The following COL22A1 variants were observed in gnomAD, a reference collection of about 807,000 sequenced individuals.
The protein encoded by COL22A1 is collagen alpha-1(XXII) chain.
In COL22A1, 221 loss-of-function variants were observed where a neutral mutation model predicts 248.9. The ratio of observed to expected loss-of-function variants is 0.89; its 90% CI spans 0.80 to 0.99. COL22A1 has a LOEUF of 0.99. COL22A1 is among the 50% of genes least tolerant of loss of function. COL22A1 has a pLI of 0.00. For synonymous variants in COL22A1, 891 were observed against 793.4 expected (o/e 1.12, Z -2.07); for missense variants, 2,240 against 2,179.0 (o/e 1.03, Z -0.56).
Position 138,725,445 on chromosome 8 carries a change from A to G in COL22A1, c.2140-5T>C. Reference sequence around the variant, plus strand: ...ACCAGGGGGTCCTGGAGGGCCCTGTAGAGAAAGAGCATTTGGTGGGCTACA... The same window carrying G: ...ACCAGGGGGTCCTGGAGGGCCCTGTGGAGAAAGAGCATTTGGTGGGCTACA... On this transcript the variant is annotated splice_polypyrimidine_tract_variant and splice_region_variant and intron_variant, in intron 23 of 64. Coordinates refer to ENST00000303045, the MANE Select transcript of COL22A1 (RefSeq NM_152888.3). 1 of 1,612,830 alleles carries G rather than the reference A, an allele frequency of 6.2e-7. No homozygotes were observed. The highest frequency in any genetic ancestry group is 8.5e-7 in the Non-Finnish European group (1 of 1,179,536).
chr8:138,731,590 C>A (rs922277102), intron 23 of COL22A1, among the ~76,000 whole-genome samples: 10 of 151,646 alleles, frequency 6.6e-5, no homozygotes, highest in African/African-American at 2.2e-4. Context: ...TGCTGTGGGG[C>A]ATGATGGATT....
chr8:138,729,408 C>A (rs1041050827), intron 23 of COL22A1, among the ~76,000 whole-genome samples: 2 of 152,158 alleles, frequency 1.3e-5, no homozygotes, highest in African/African-American at 4.8e-5. Context: ...CCTGGTAAGA[C>A]CACAGCAACT....
At chr8:138,792,922 T>G (rs1300720799) in intron 12 of COL22A1, among the ~76,000 whole-genome samples, 1 of 152,196 alleles carries the variant, frequency 6.6e-6, no homozygotes, top group Admixed American at 6.5e-5. Flanking sequence ...TGTGACCTTG[T>G]GCAGGTCACT....
At chr8:138,615,509 CG>C (rs1383042875) in intron 55 of COL22A1, among the ~76,000 whole-genome samples, 1 of 144,124 alleles carries the variant, frequency 6.9e-6, no homozygotes, top group Admixed American at 7.2e-5. Flanking sequence ...TCAGCCTGGG[CG>C]ACGGAGTGAG....
chr8:138,657,524 G>A (rs1407167813), intron 44 of COL22A1, among the ~76,000 whole-genome samples: 2 of 152,220 alleles, frequency 1.3e-5, no homozygotes, highest in Admixed American at 6.5e-5. Context: ...TAGGTACAGT[G>A]TGGTCTTGGA....
At chr8:138,794,706 C>A (rs1816350297) in intron 12 of COL22A1, among the ~76,000 whole-genome samples, 1 of 152,052 alleles carries the variant, frequency 6.6e-6, no homozygotes, top group Admixed American at 6.6e-5. Flanking sequence ...ATTTTTAATA[C>A]CCAACCGAAT....
chr8:138,739,024 T>C (rs1831349907), intron 22 of COL22A1, among the ~76,000 whole-genome samples: 2 of 152,184 alleles, frequency 1.3e-5, no homozygotes, highest in South Asian at 4.1e-4. Flanking sequence ...CCAGAACCAC[T>C]GCAGTAGCCT....
At chr8:138,849,532 C>T (rs931886921) in intron 3 of COL22A1, among the ~76,000 whole-genome samples, 1 of 152,246 alleles carries the variant, frequency 6.6e-6, no homozygotes, top group Admixed American at 6.5e-5. Context: ...GCACCCAGTT[C>T]TTGGCCACTG....
rs113740864 is a variant in COL22A1 at position 138,684,438 on chromosome 8, G to T, written c.2999C>A (p.Pro1000His). The T allele has an allele frequency of 1.2e-5, 20 of 1,610,886 alleles. No individual in the cohort carries two copies. In the African/African-American group the frequency reaches 2.0e-4, roughly 16 times the overall value. ...GLRGSPGLPG[P>H]LGTKAACGKV... ...ACAAGCACTCACCTTGGTTCCTAGG[G>T]GTCCAGGGAGTCCAGGTGATCCACG... The change falls in exon 39 of 65, where the codon CCC becomes CAC. Residue 1000 changes from proline (P) to histidine (H), a missense_variant. Physicochemically the swap from Pro to His is moderately conservative, Grantham distance 77. Coordinates refer to ENST00000303045, the MANE Select transcript of COL22A1 (RefSeq NM_152888.3).
intron 16 of COL22A1, among the ~76,000 whole-genome samples, chr8:138,769,860 G>A (rs185616725): frequency 6.6e-6 from 1 of 152,306 alleles, no homozygotes; most frequent in East Asian, 1.9e-4. Context: ...AAAAGACAGA[G>A]GTGCCCATGT....
intron 3 of COL22A1, among the ~76,000 whole-genome samples, chr8:138,872,816 T>C (rs1823440816): frequency 6.6e-6 from 1 of 152,172 alleles, no homozygotes; most frequent in Admixed American, 6.5e-5. Flanking sequence ...GGAAAGCCAC[T>C]GGGGAGGGAG....
At chr8:138,911,857 G>T (rs1462486151) in intron 1 of COL22A1, among the ~76,000 whole-genome samples, 6 of 152,160 alleles carry the variant, frequency 3.9e-5, no homozygotes, top group Admixed American at 1.3e-4. Flanking sequence ...TGGATCCCTG[G>T]GAGCCACTCT....
chr8:138,628,109 A>C (rs1205378791), intron 50 of COL22A1, among the ~76,000 whole-genome samples: 2 of 152,148 alleles, frequency 1.3e-5, no homozygotes, highest in Non-Finnish European at 2.9e-5. Context: ...AAAACTGATC[A>C]GTGGATGTTC....
chr8:138,602,974 C>T (rs1818155087), intron 59 of COL22A1, among the ~76,000 whole-genome samples: 1 of 152,226 alleles, frequency 6.6e-6, no homozygotes, highest in Admixed American at 6.5e-5. Context: ...TTAGACAGCA[C>T]ACATTTGGAA....
rs73362860 is a variant in COL22A1, at chr8:138,785,025, T to C, written c.1597-4045A>G. ...ATCCTCACCCTACCTTCGGGCACAC[T>C]GGGGCACAGGGCAGGTGCATGACTT... On this transcript the variant is annotated intron_variant, in intron 12 of 64. Coordinates refer to ENST00000303045, the MANE Select transcript of COL22A1 (RefSeq NM_152888.3). Among the ~76,000 whole-genome samples, 941 of 152,264 alleles carry C rather than the reference T, an allele frequency of 6.2e-3. 7 individuals are homozygous for C. Among genetic ancestry groups the C allele is most frequent in the African/African-American group, 0.022 (921 of 41,554 alleles).
intron 6 of COL22A1, among the ~76,000 whole-genome samples, chr8:138,824,606 T>C (rs1443470232): frequency 2.0e-5 from 3 of 152,204 alleles, no homozygotes; most frequent in African/African-American, 7.2e-5. Context: ...AAATGTCAGC[T>C]TTTAAGGGTG....
intron 3 of COL22A1, among the ~76,000 whole-genome samples, chr8:138,872,182 A>G (rs1246811056): frequency 1.3e-5 from 2 of 152,048 alleles, no homozygotes; most frequent in African/African-American, 2.4e-5. Context: ...GCCTCCCTCT[A>G]CTCCCACCCT....
intron 46 of COL22A1, among the ~76,000 whole-genome samples, chr8:138,648,377 T>C (rs948608387): frequency 2.0e-5 from 3 of 152,224 alleles, no homozygotes; most frequent in Admixed American, 6.5e-5. Flanking sequence ...ATAAAGGTCA[T>C]CTTTCACATC....
At chr8:138,860,714 G>A (rs1822391013) in intron 3 of COL22A1, among the ~76,000 whole-genome samples, 1 of 152,082 alleles carries the variant, frequency 6.6e-6, no homozygotes, top group Non-Finnish European at 1.5e-5. Flanking sequence ...AGGCTGAGGT[G>A]GGAGGATTAC....
Sources: gnomAD v4.1 joint callset for allele counts (sites outside exome capture counted in the v4.1 genomes callset) on GRCh38, gnomAD v4.1.1 for gene constraint, MANE v1.5 for transcripts, NCBI Gene and HGNC (gene_info 2026-07-23, HGNC 2026-07-21) for gene names.